Variants in GDAP1 observed in about 807,000 individuals in gnomAD.
The protein encoded by GDAP1 is ganglioside-induced differentiation-associated protein 1.
In GDAP1, 34 loss-of-function variants were observed where a neutral mutation model predicts 40.1. The ratio of observed to expected loss-of-function variants is 0.85; its 90% CI spans 0.64 to 1.13. The LOEUF (loss-of-function observed/expected upper bound fraction) is 1.13, where lower values mean the gene tolerates loss of function less well. Among genes scored for constraint, GDAP1 ranks in the 50% most tolerant of loss-of-function variants. The pLI is 0.00. For missense variants in GDAP1, 374 were observed against 433.7 expected, an observed-to-expected ratio of 0.86 and a Z score of 1.22; for synonymous variants, 170 against 157.4, an observed-to-expected ratio of 1.08 and a Z score of -0.60.
At chr8:74,456,222 T>C (rs937943768) in intron 2 of GDAP1, among the ~76,000 whole-genome samples, 1 of 151,858 alleles carries the variant, frequency 6.6e-6, no homozygotes, top group Non-Finnish European at 1.5e-5. Flanking sequence ...GTTCTGTCAC[T>C]GGGGGAGATT....
intron 2 of GDAP1, among the ~76,000 whole-genome samples, chr8:74,372,397 T>G (rs990455259): frequency 6.6e-6 from 1 of 152,194 alleles, no homozygotes; most frequent in African/African-American, 2.4e-5. Context: ...AGTGTAAAAG[T>G]GTTCCTATGT....
intron 2 of GDAP1, among the ~76,000 whole-genome samples, chr8:74,357,394 A>C (rs989608566): frequency 6.6e-6 from 1 of 152,210 alleles, no homozygotes; most frequent in Non-Finnish European, 1.5e-5. Flanking sequence ...ATTTAAAAAA[A>C]TGGCTCAGAG....
intron 2 of GDAP1, among the ~76,000 whole-genome samples, chr8:74,446,876 A>C (rs1806236194): frequency 6.6e-6 from 1 of 152,148 alleles, no homozygotes; most frequent in Admixed American, 6.6e-5. Context: ...AGAGACAGAA[A>C]GTAGATTATT....
downstream of GDAP1, among the ~76,000 whole-genome samples, chr8:74,368,538 A>G (rs548296400): frequency 6.6e-6 from 1 of 152,336 alleles, no homozygotes; most frequent in South Asian, 2.1e-4. Flanking sequence ...ATTCCCTTGC[A>G]ACATGATGTT....
At chr8:74,479,995 T>G (rs1172431110) in intron 2 of GDAP1, among the ~76,000 whole-genome samples, 1 of 149,748 alleles carries the variant, frequency 6.7e-6, no homozygotes, top group Non-Finnish European at 1.5e-5. Flanking sequence ...TCTTTTTTTT[T>G]TTTTTTTTTT....
intron 2 of GDAP1, among the ~76,000 whole-genome samples, chr8:74,474,381 G>A (rs949669377): frequency 3.9e-5 from 6 of 152,124 alleles, no homozygotes; most frequent in Non-Finnish European, 8.8e-5. Flanking sequence ...GATTTTTCAG[G>A]GGAATGCTTC....
intron 2 of GDAP1, among the ~76,000 whole-genome samples, chr8:74,352,398 G>A (rs1402891669): frequency 8.6e-6 from 1 of 116,406 alleles, no homozygotes; most frequent in Non-Finnish European, 1.8e-5. Flanking sequence ...TCTGCCACCA[G>A]TTATGTTGAT....
chr8:74,398,569 G>C (rs1235661961), intron 2 of GDAP1, among the ~76,000 whole-genome samples: 1 of 152,160 alleles, frequency 6.6e-6, no homozygotes, highest in Admixed American at 6.5e-5. Flanking sequence ...GCCCTGGCCA[G>C]AACTTCCAAC....
intron 2 of GDAP1, among the ~76,000 whole-genome samples, chr8:74,375,326 CAA>C (rs71269984): frequency 6.8e-6 from 1 of 146,872 alleles, no homozygotes; most frequent in African/African-American, 2.5e-5. Context: ...GACTCTGTCT[CAA>C]AAAAAAAAAG....
intron 2 of GDAP1, among the ~76,000 whole-genome samples, chr8:74,423,601 G>A (rs1457654208): frequency 6.6e-6 from 1 of 151,684 alleles, no homozygotes; most frequent in African/African-American, 2.4e-5. Context: ...AATTTTTACT[G>A]TCTATGCTTA....
At chr8:74,379,559 A>C (rs1809915520) in intron 2 of GDAP1, among the ~76,000 whole-genome samples, 1 of 152,212 alleles carries the variant, frequency 6.6e-6, no homozygotes. Context: ...TTTGAAATGC[A>C]GCTATTAACT....
chr8:74,350,598 C>T lies in GDAP1; in HGVS notation c.117+20C>T. 1.4e-6 allele frequency: 2 copies of T among 1,432,490 alleles called. No individual in the cohort carries two copies. Among genetic ancestry groups the T allele is most frequent in the Non-Finnish European group, 2.0e-6 (2 of 1,014,140 alleles). The allele number at this position is 1,432,490 out of a possible 1,614,324, so 88.7% of individuals were successfully genotyped here. On this transcript the variant is annotated intron_variant, in intron 1 of 5. Coordinates refer to ENST00000220822, the MANE Select transcript of GDAP1 (RefSeq NM_018972.4). ...CAAAAGGTACAACAGGCCTTGGCGG[C>T]GGAGGGTGGCGCGGATCGGGCTTCA...
intron 2 of GDAP1, among the ~76,000 whole-genome samples, chr8:74,465,202 C>T (rs1205108761): frequency 6.6e-6 from 1 of 152,002 alleles, no homozygotes; most frequent in Admixed American, 6.6e-5. Flanking sequence ...GCCTGGGTGA[C>T]AGAGCGAGAC....
intron 2 of GDAP1, among the ~76,000 whole-genome samples, chr8:74,403,419 C>T (rs1805590475): frequency 6.7e-6 from 1 of 150,036 alleles, no homozygotes; most frequent in Non-Finnish European, 1.5e-5. Flanking sequence ...AAGCACAGGG[C>T]ATGTTTACAT....
chr8:74,364,615 A>C lies in GDAP1; in HGVS notation c.*248A>C. 1 of 622,232 alleles carries C rather than the reference A, an allele frequency of 1.6e-6. No individual in the cohort carries two copies. Among genetic ancestry groups the C allele is most frequent in the South Asian group, 1.5e-5 (1 of 65,992 alleles). 38.5% of individuals were successfully genotyped at this position (622,232 alleles called of 1,614,324 possible). A position where few individuals can be genotyped will look rare whatever the true frequency, so the allele number is the denominator to read the frequency against. On this transcript the variant is annotated 3_prime_UTR_variant, in exon 6 of 6. Coordinates refer to ENST00000220822, the MANE Select transcript of GDAP1 (RefSeq NM_018972.4). ...TAAGAGAAGGAAAAATGAGAGAATG[A>C]AGTCTGTATAGGGTAGAGCAATAGA...
At chr8:74,477,463 GT>G (rs71271806) in intron 2 of GDAP1, among the ~76,000 whole-genome samples, 49 of 147,102 alleles carry the variant, frequency 3.3e-4, no homozygotes, top group South Asian at 8.6e-4. Flanking sequence ...CCTTTGGATG[GT>G]TTTTTTTTTT....
At chr8:74,371,774 A>AT (rs200914612), downstream of GDAP1, among the ~76,000 whole-genome samples, 40,854 of 144,960 alleles carry the variant, frequency 0.28, 6,047 homozygotes, top group Non-Finnish European at 0.35. Context: ...AAAATTTTTT[A>AT]TTTTTTTTTA....
downstream of GDAP1, among the ~76,000 whole-genome samples, chr8:74,371,807 G>A (rs982058481): frequency 6.6e-6 from 1 of 151,846 alleles, no homozygotes; most frequent in African/African-American, 2.4e-5. Context: ...AAGTTCTAGG[G>A]TACATGTGCA....
intron 2 of GDAP1, among the ~76,000 whole-genome samples, chr8:74,478,717 C>T (rs186845069): frequency 5.1e-4 from 77 of 152,342 alleles, no homozygotes; most frequent in African/African-American, 1.9e-3. Flanking sequence ...CCACACCAGA[C>T]CCTCTGGGCT....
Sources: allele counts gnomAD v4.1 joint callset (sites outside exome capture counted in the v4.1 genomes callset), GRCh38; gene constraint gnomAD v4.1.1; transcripts MANE v1.5; gene names NCBI Gene and HGNC (gene_info 2026-07-23, HGNC 2026-07-21).